Variants in YWHAE observed in about 807,000 individuals in gnomAD.
YWHAE encodes tyrosine 3-monooxygenase/tryptophan 5-monooxygenase activation protein epsilon.
YWHAE carries 4 observed loss-of-function variants against 30.1 expected under a neutral mutation model. The observed-to-expected ratio is 0.13, with a 90% CI of 0.07 to 0.30. The LOEUF is 0.30. Among genes scored for constraint, YWHAE ranks in the 10% least tolerant of loss-of-function variants. The pLI is 1.00. For synonymous variants in YWHAE, 118 were observed against 111.8 expected (o/e 1.06, Z -0.35); for missense variants, 121 against 315.9 (o/e 0.38, Z 4.68).
chr17:1,392,242 G>A (rs112146425), intron 1 of YWHAE, among the ~76,000 whole-genome samples: 77 of 152,276 alleles, frequency 5.1e-4, no homozygotes, highest in Non-Finnish European at 1.1e-3. Flanking sequence ...AGGTATTGTG[G>A]TGCACAGCTG....
At chr17:1,372,538 G>C (rs993246948) in intron 1 of YWHAE, among the ~76,000 whole-genome samples, 6 of 152,200 alleles carry the variant, frequency 3.9e-5, no homozygotes, top group Non-Finnish European at 5.9e-5. Context: ...TTTATTTAAA[G>C]TGAGAGACTG....
chr17:1,350,826 G>A (rs1023041140), intron 5 of YWHAE, among the ~76,000 whole-genome samples: 5 of 151,902 alleles, frequency 3.3e-5, no homozygotes, highest in Admixed American at 1.3e-4. Flanking sequence ...TTGGGAGGCC[G>A]AGGCAGGTGG....
At chr17:1,359,790 T>C (rs951783023) in intron 4 of YWHAE, among the ~76,000 whole-genome samples, 1 of 149,810 alleles carries the variant, frequency 6.7e-6, no homozygotes, top group Non-Finnish European at 1.5e-5. Context: ...ACACTGTCAA[T>C]GTATTCGGTG....
In YWHAE at chr17:1,345,302, A is replaced by C. The variant is rs572917469; in HGVS notation, c.*145T>G. ...TTGAAAACTGTTTAAAAAAAAAAAA[A>C]AAAAACCAACAGGGCAGGAACCTAA... On this transcript the variant is annotated 3_prime_UTR_variant, in exon 6 of 6. Coordinates refer to ENST00000264335, the MANE Select transcript of YWHAE (RefSeq NM_006761.5). The C allele has an allele frequency of 1.3e-4, 99 of 779,666 alleles. 1 individual carries two copies. The African/African-American group carries it at 1.5e-3, about 12-fold the overall frequency. 48.3% of individuals were successfully genotyped at this position (779,666 alleles called of 1,614,324 possible).
chr17:1,388,778 TAAG>T (rs1459177863), intron 1 of YWHAE, among the ~76,000 whole-genome samples: 1 of 152,178 alleles, frequency 6.6e-6, no homozygotes, highest in African/African-American at 2.4e-5. Context: ...TATTCTGCAT[TAAG>T]TATTTCATAC....
rs552699113 is a variant in YWHAE at position 1,388,442 on chromosome 17, G to A, written c.64+11605C>T. Among the ~76,000 whole-genome samples, 4 of 151,972 alleles carry A rather than the reference G, an allele frequency of 2.6e-5. No homozygotes were observed. The South Asian group carries it at 8.3e-4, about 32-fold the overall frequency. On this transcript the variant is annotated intron_variant, in intron 1 of 5. Coordinates refer to ENST00000264335, the MANE Select transcript of YWHAE (RefSeq NM_006761.5). ...GAGGCAGGAGAATGGAGTGAACCCA[G>A]GAGGTGGAGCTTGCAGTGAGCCAAG...
intron 1 of YWHAE, among the ~76,000 whole-genome samples, chr17:1,380,111 CTTTTTTT>C (rs34413137): frequency 4.9e-5 from 6 of 121,888 alleles, no homozygotes; most frequent in African/African-American, 1.0e-4. Flanking sequence ...GAAGACTAGA[CTTTTTTT>C]TTTTTTTTTT....
At chr17:1,370,293 A>T (rs1000842006) in intron 1 of YWHAE, among the ~76,000 whole-genome samples, 8 of 150,562 alleles carry the variant, frequency 5.3e-5, no homozygotes, top group African/African-American at 1.5e-4. Flanking sequence ...TGCCCAGTGA[A>T]TTTTTTTGTG....
intron 1 of YWHAE, among the ~76,000 whole-genome samples, chr17:1,379,302 C>T (rs185074716): frequency 6.6e-6 from 1 of 152,070 alleles, no homozygotes; most frequent in Non-Finnish European, 1.5e-5. Context: ...CTGGGGAGCA[C>T]GGCAAAACTC....
At chr17:1,397,372 C>T (rs1227082359) in intron 1 of YWHAE, among the ~76,000 whole-genome samples, 1 of 152,106 alleles carries the variant, frequency 6.6e-6, no homozygotes, top group Non-Finnish European at 1.5e-5. Context: ...AACTCCCAGC[C>T]CCAAACTTAA....
chr17:1,364,499 T>G (rs1002108378), intron 2 of YWHAE, among the ~76,000 whole-genome samples: 3 of 152,186 alleles, frequency 2.0e-5, no homozygotes, highest in Admixed American at 6.5e-5. Flanking sequence ...GTGCTGGGAT[T>G]ACAGGCCTGA....
At chr17:1,387,153 G>T (rs1010297757) in intron 1 of YWHAE, among the ~76,000 whole-genome samples, 4 of 152,118 alleles carry the variant, frequency 2.6e-5, no homozygotes, top group Non-Finnish European at 5.9e-5. Context: ...TGCTCACTTT[G>T]GCAGCACATG....
chr17:1,385,056 G>A (rs2073279275), intron 1 of YWHAE, among the ~76,000 whole-genome samples: 1 of 147,568 alleles, frequency 6.8e-6, no homozygotes, highest in African/African-American at 2.5e-5. Context: ...CCTTGCAGTG[G>A]CTATTCACAG....
At chr17:1,347,932 G>A (rs1424595410) in intron 5 of YWHAE, 17 of 1,004,854 alleles carry the variant, frequency 1.7e-5, no homozygotes, top group Middle Eastern at 4.8e-4. Context: ...AACTGAAAGC[G>A]GAATTCACTG....
Position 1,351,915 on chromosome 17 carries a change from G to A in YWHAE, c.715+2296C>T, listed in dbSNP as rs528867699. Among the ~76,000 whole-genome samples, 7 of 151,562 alleles carry A rather than the reference G, an allele frequency of 4.6e-5. No homozygotes were observed. The South Asian group carries it at 8.3e-4, about 18-fold the overall frequency. On this transcript the variant is annotated intron_variant, in intron 5 of 5. Coordinates refer to ENST00000264335, the MANE Select transcript of YWHAE (RefSeq NM_006761.5). Reference sequence around the variant, plus strand: ...CAATTCTCCTGCCTCAGCCTTGCAAGTAGCTGAGATTACAGGCACATACCA... The same window carrying A: ...CAATTCTCCTGCCTCAGCCTTGCAAATAGCTGAGATTACAGGCACATACCA...
intron 1 of YWHAE, among the ~76,000 whole-genome samples, chr17:1,367,470 T>C (rs553919023): frequency 1.3e-5 from 2 of 152,320 alleles, no homozygotes; most frequent in South Asian, 4.1e-4. Context: ...GGTGTGTGCC[T>C]GCGGTCTCAA....
chr17:1,359,606 T>G (rs1040516088), intron 4 of YWHAE, among the ~76,000 whole-genome samples: 4 of 151,848 alleles, frequency 2.6e-5, no homozygotes, highest in Non-Finnish European at 5.9e-5. Context: ...AGGACAAATA[T>G]TATATGATCC....
intron 5 of YWHAE, chr17:1,348,069 T>A (rs561776942): frequency 8.3e-5 from 73 of 882,630 alleles, no homozygotes; most frequent in Non-Finnish European, 9.9e-5. Context: ...ACAAGAAAAA[T>A]AAACCAACAG....
At chr17:1,357,934 A>G (rs1453718083) in intron 4 of YWHAE, among the ~76,000 whole-genome samples, 3 of 150,090 alleles carry the variant, frequency 2.0e-5, no homozygotes, top group East Asian at 1.9e-4. Context: ...TCTCGGGGGA[A>G]AAAAAAAAAG....
Sources: gnomAD v4.1 joint callset for allele counts (sites outside exome capture counted in the v4.1 genomes callset) on GRCh38, gnomAD v4.1.1 for gene constraint, MANE v1.5 for transcripts, NCBI Gene and HGNC (gene_info 2026-07-23, HGNC 2026-07-21) for gene names.